The following HMGB1 variants were observed in gnomAD, a reference collection of about 807,000 sequenced individuals.
The protein encoded by HMGB1 is high mobility group box 1, also known as high mobility group protein B1.
For synonymous variants in HMGB1, 81 were observed against 84.0 expected (o/e 0.96, Z 0.19); for missense variants, 79 against 253.5 (o/e 0.31, Z 4.67).
chr13:30,483,379 C>A (rs1223703581), intron 1 of HMGB1, among the ~76,000 whole-genome samples: 1 of 152,078 alleles, frequency 6.6e-6, no homozygotes, highest in Non-Finnish European at 1.5e-5. Flanking sequence ...TCCCCGCAAC[C>A]AGCAAACCCT....
chr13:30,487,404 C>T (rs189579345), intron 1 of HMGB1, among the ~76,000 whole-genome samples: 10 of 152,298 alleles, frequency 6.6e-5, no homozygotes, highest in South Asian at 2.1e-4. Context: ...ATGTGGTGAT[C>T]GAATGGGATG....
rs1326298669 is a variant in HMGB1 at position 30,457,542 on chromosome 13, A to G, written c.*3815T>C. 4 of 152,230 alleles carry G rather than the reference A, an allele frequency of 2.6e-5. No homozygotes were observed. The highest frequency in any genetic ancestry group is 1.3e-4 in the Admixed American group (2 of 15,280). The allele number at this position is 152,230 out of a possible 1,614,324, so 9.4% of individuals were successfully genotyped here. A position where few individuals can be genotyped will look rare whatever the true frequency, so the allele number is the denominator to read the frequency against. On this transcript the variant is annotated 3_prime_UTR_variant, in exon 5 of 5. Transcript: ENST00000341423. ...CCAACCTGGGCAACATAGAGATTCT[A>G]TGTAATCTCTCATGTCAAAATAAGT...
upstream of HMGB1, among the ~76,000 whole-genome samples, chr13:30,469,039 A>G (rs1886863313): frequency 6.6e-6 from 1 of 151,986 alleles, no homozygotes; most frequent in African/African-American, 2.4e-5. Flanking sequence ...GACTACAGGC[A>G]TGCACCACCA....
intron 1 of HMGB1, among the ~76,000 whole-genome samples, chr13:30,534,643 A>G (rs1257362010): frequency 1.2e-4 from 14 of 119,218 alleles, no homozygotes; most frequent in African/African-American, 4.6e-4. Context: ...TTTTGACACC[A>G]TCTTTGCTCA....
At chr13:30,611,398 G>A (rs370387240) in intron 1 of HMGB1, among the ~76,000 whole-genome samples, 98 of 152,130 alleles carry the variant, frequency 6.4e-4, no homozygotes, top group African/African-American at 2.2e-3. Flanking sequence ...TCCTGACCTC[G>A]TGATCTGCCC....
At position 30,486,407 on chromosome 13, in the gene HMGB1, G is replaced by A. The variant is rs188386151; in HGVS notation, c.-14-22713C>T. On this transcript the variant is annotated intron_variant, in intron 1 of 4. Coordinates refer to the HMGB1 transcript ENST00000405805. ...CAATGGAATTCTACCAACATTTGCC[G>A]GCTCTGGGGGAGAGGAGACAGCTGC... Among the ~76,000 whole-genome samples, 106 of 152,296 alleles carry A rather than the reference G, an allele frequency of 7.0e-4. 1 individual carries two copies. Among genetic ancestry groups the A allele is most frequent in the African/African-American group, 2.3e-3 (96 of 41,556 alleles).
At chr13:30,581,516 C>T (rs968830665) in intron 1 of HMGB1, among the ~76,000 whole-genome samples, 28 of 152,184 alleles carry the variant, frequency 1.8e-4, no homozygotes, top group African/African-American at 6.5e-4. Flanking sequence ...GCAGGGGTCA[C>T]ATGGCTAACA....
Position 30,554,051 on chromosome 13 carries a change from G to C in HMGB1, c.-15+62620C>G, listed in dbSNP as rs981965454. 14 of 1,398,712 alleles carry C rather than the reference G, an allele frequency of 1.0e-5. No homozygotes were observed. The Admixed American group carries it at 2.2e-4, about 22-fold the overall frequency. 86.6% of individuals were successfully genotyped at this position (1,398,712 alleles called of 1,614,324 possible). A position where few individuals can be genotyped will look rare whatever the true frequency, so the allele number is the denominator to read the frequency against. ...AATCGGTTAAATGTGCGCAGTACTGGCCAACAGATGACCAAAAGATGCTGT... is the reference window on the plus strand; with the variant it reads ...AATCGGTTAAATGTGCGCAGTACTGCCCAACAGATGACCAAAAGATGCTGT... On this transcript the variant is annotated intron_variant, in intron 1 of 4. Coordinates refer to the HMGB1 transcript ENST00000405805.
chr13:30,603,251 T>A lies in HMGB1; in HGVS notation c.-15+13420A>T, dbSNP rs189106194. On this transcript the variant is annotated intron_variant, in intron 1 of 4. Transcript: ENST00000405805. ...CTCATTTCTGCTTATCTAGTGATTA[T>A]TCCCAAATCTGTGTTTACAGTCTAG... 3.7e-4 allele frequency among the ~76,000 whole-genome samples: 56 copies of A among 152,340 alleles called. No homozygotes were observed. In the South Asian group the frequency reaches 0.011, roughly 30 times the overall value.
At chr13:30,469,936 ATTTATT>A (rs1024222818), upstream of HMGB1, among the ~76,000 whole-genome samples, 5 of 148,398 alleles carry the variant, frequency 3.4e-5, no homozygotes, top group South Asian at 2.2e-4. Context: ...GCCCCAGCTA[ATTTATT>A]TTTATTTTTA....
At chr13:30,537,668 T>C in intron 1 of HMGB1, among the ~76,000 whole-genome samples, 1 of 89,150 alleles carries the variant, frequency 1.1e-5, no homozygotes, top group African/African-American at 5.5e-5. Context: ...TATATATATA[T>C]ATATATATAT....
chr13:30,550,408 C>T (rs1481759812), intron 1 of HMGB1, among the ~76,000 whole-genome samples: 2 of 152,148 alleles, frequency 1.3e-5, no homozygotes, highest in Admixed American at 6.5e-5. Flanking sequence ...GCAGTGCTAA[C>T]GACTGAATGG....
chr13:30,531,301 G>A (rs1888487716), intron 1 of HMGB1, among the ~76,000 whole-genome samples: 1 of 152,140 alleles, frequency 6.6e-6, no homozygotes, highest in African/African-American at 2.4e-5. Flanking sequence ...GCTGATTAAA[G>A]CTAATGAAAG....
intron 1 of HMGB1, among the ~76,000 whole-genome samples, chr13:30,610,169 T>C (rs1950500745): frequency 6.6e-6 from 1 of 152,210 alleles, no homozygotes; most frequent in Admixed American, 6.5e-5. Context: ...AATACGTTAG[T>C]CAACAATATA....
chr13:30,538,211 C>T (rs1248013151), intron 1 of HMGB1, among the ~76,000 whole-genome samples: 1 of 152,220 alleles, frequency 6.6e-6, no homozygotes, highest in Non-Finnish European at 1.5e-5. Context: ...CAATAATACA[C>T]AGCTCCATGA....
intron 1 of HMGB1, among the ~76,000 whole-genome samples, chr13:30,614,468 C>T (rs1272832434): frequency 6.6e-6 from 1 of 152,148 alleles, no homozygotes; most frequent in Non-Finnish European, 1.5e-5. Context: ...AATTCAGTGA[C>T]TTGCATAAGG....
intron 1 of HMGB1, among the ~76,000 whole-genome samples, chr13:30,474,799 C>T (rs1312806344): frequency 7.8e-6 from 1 of 128,332 alleles, no homozygotes; most frequent in Non-Finnish European, 1.6e-5. Context: ...TTCGCTCTAT[C>T]GCCTAAGCTG....
chr13:30,465,082 G>C (rs1460016925), intron 1 of HMGB1: 1 of 891,336 alleles, frequency 1.1e-6, no homozygotes, highest in Non-Finnish European at 1.3e-6. Context: ...CCTCGGAACT[G>C]CTGCGCCCAG....
At chr13:30,478,310 A>G (rs1323668273) in intron 1 of HMGB1, among the ~76,000 whole-genome samples, 2 of 152,108 alleles carry the variant, frequency 1.3e-5, no homozygotes, top group Non-Finnish European at 2.9e-5. Context: ...GAATAGACAC[A>G]CTCCAGCCTG....
Sources: allele counts gnomAD v4.1 joint callset (sites outside exome capture counted in the v4.1 genomes callset), GRCh38; gene constraint gnomAD v4.1.1; transcripts MANE v1.5; gene names NCBI Gene and HGNC (gene_info 2026-07-23, HGNC 2026-07-21).